The following B3GALNT1 variants were observed in gnomAD, a reference collection of about 807,000 sequenced individuals.
B3GALNT1 encodes beta-1,3-N-acetylgalactosaminyltransferase 1 (Globoside blood group).
In B3GALNT1, 17 loss-of-function variants were observed where a neutral mutation model predicts 27.3. That is an observed-to-expected ratio of 0.62 (90% CI 0.43 to 0.94). The LOEUF (loss-of-function observed/expected upper bound fraction) is 0.94. Among genes scored for constraint, B3GALNT1 ranks in the 40% least tolerant of loss-of-function variants. B3GALNT1 has a pLI of 0.00. For missense variants in B3GALNT1, 347 were observed against 390.0 expected (o/e 0.89, Z 0.93); for synonymous variants, 141 against 144.0 (o/e 0.98, Z 0.15).
At chr3:161,098,062 C>T (rs1402588260) in intron 4 of B3GALNT1, among the ~76,000 whole-genome samples, 2 of 152,204 alleles carry the variant, frequency 1.3e-5, no homozygotes, top group Admixed American at 6.5e-5. Flanking sequence ...TCATACTCCC[C>T]TCTCTCCAAA....
chr3:161,104,090 G>T (rs1008347074), intron 2 of B3GALNT1: 2 of 300,380 alleles, frequency 6.7e-6, no homozygotes, highest in Admixed American at 4.7e-5. Context: ...CCATTCATTT[G>T]AACGAACATT....
chr3:161,084,461 C>G lies in B3GALNT1; in HGVS notation c.*1298G>C, dbSNP rs1720777974. ...TCCTGACAAAGGATATGACCTTTTT[C>G]CATCCTGTAATTCAGAGAAAAAGAA... On this transcript the variant is annotated 3_prime_UTR_variant, in exon 5 of 5. Transcript: ENST00000320474. The G allele has an allele frequency of 6.6e-6, 1 of 152,074 alleles. No individual in the cohort carries two copies. Among genetic ancestry groups the G allele is most frequent in the Non-Finnish European group, 1.5e-5 (1 of 67,994 alleles). The allele number at this position is 152,074 out of a possible 1,614,324, so 9.4% of individuals were successfully genotyped here. A position where few individuals can be genotyped will look rare whatever the true frequency, so the allele number is the denominator to read the frequency against.
intron 3 of B3GALNT1, among the ~76,000 whole-genome samples, chr3:161,101,483 T>G (rs1212760759): frequency 6.6e-6 from 1 of 152,200 alleles, no homozygotes; most frequent in Non-Finnish European, 1.5e-5. Context: ...ATTCCTTCAT[T>G]CAGTGTTCTG....
chr3:161,097,358 T>A (rs1368468389), intron 4 of B3GALNT1, among the ~76,000 whole-genome samples: 1 of 152,218 alleles, frequency 6.6e-6, no homozygotes, highest in African/African-American at 2.4e-5. Context: ...CCTCTACATA[T>A]ATTATTTGTC....
At chr3:161,102,581 A>T (rs1179799144) in intron 3 of B3GALNT1, among the ~76,000 whole-genome samples, 1 of 152,230 alleles carries the variant, frequency 6.6e-6, no homozygotes, top group Non-Finnish European at 1.5e-5. Context: ...TTAGTATAAA[A>T]GCATTGTCCA....
intron 4 of B3GALNT1, among the ~76,000 whole-genome samples, chr3:161,089,431 C>CA (rs1723767161): frequency 6.6e-6 from 1 of 152,018 alleles, no homozygotes; most frequent in African/African-American, 2.4e-5. Flanking sequence ...ATGATGGCTA[C>CA]AAAAAGATGT....
In B3GALNT1 at chr3:161,101,213, G is replaced by A. The variant is rs34798602; in HGVS notation, c.-109C>T. ...AGCGGGAAGAGCCAACAGGTCAACCGGGTCCAGGGAGCTAAGAAAACTGGA... is the reference window on the plus strand; with the variant it reads ...AGCGGGAAGAGCCAACAGGTCAACCAGGTCCAGGGAGCTAAGAAAACTGGA... On this transcript the variant is annotated 5_prime_UTR_variant, in exon 4 of 5. Transcript: ENST00000320474. 618 of 1,289,898 alleles carry A rather than the reference G, an allele frequency of 4.8e-4. No homozygotes were observed. The African/African-American group carries it at 8.3e-3, about 17-fold the overall frequency. 79.9% of individuals were successfully genotyped at this position (1,289,898 alleles called of 1,614,324 possible).
intron 3 of B3GALNT1, among the ~76,000 whole-genome samples, chr3:161,101,595 G>A (rs1307776948): frequency 6.6e-6 from 1 of 152,048 alleles, no homozygotes; most frequent in Non-Finnish European, 1.5e-5. Flanking sequence ...GACTCACAAC[G>A]ACACATTTCA....
chr3:161,085,982 C>A lies in B3GALNT1; in HGVS notation c.773G>T (p.Gly258Val). Residue 258 changes from glycine to valine, a missense_variant, in exon 5 of 5, where the codon GGT (glycine) becomes GTT (valine). Gly to Val is a moderately radical substitution (Grantham distance 109). Transcript: ENST00000320474. ...TTCAAACTTGATGGGTTTTACGTGA[C>A]CCATCATTTCATAGATCCTTGGCAC... ...DLVPRIYEMM[G>V]HVKPIKFEDV... 1 of 1,588,636 alleles carries A rather than the reference C, an allele frequency of 6.3e-7. No homozygotes were observed. The highest frequency in any genetic ancestry group is 8.6e-7 in the Non-Finnish European group (1 of 1,168,638).
chr3:161,097,831 T>C (rs928764442), intron 4 of B3GALNT1, among the ~76,000 whole-genome samples: 2 of 152,350 alleles, frequency 1.3e-5, no homozygotes, highest in South Asian at 2.1e-4. Context: ...TCAGGCTACT[T>C]TGAGGATTGT....
intron 4 of B3GALNT1, among the ~76,000 whole-genome samples, chr3:161,090,587 T>C (rs1329352671): frequency 1.3e-5 from 2 of 151,886 alleles, no homozygotes; most frequent in African/African-American, 4.8e-5. Context: ...ACTTAAAAAA[T>C]TTAAAAACCA....
intron 4 of B3GALNT1, among the ~76,000 whole-genome samples, chr3:161,093,581 A>G (rs1048933862): frequency 1.3e-5 from 2 of 152,256 alleles, no homozygotes; most frequent in Non-Finnish European, 2.9e-5. Flanking sequence ...ATATTGACGA[A>G]TAGAAAACAA....
Position 161,086,232 on chromosome 3 carries a change from A to G in B3GALNT1, c.523T>C (p.Tyr175His). 1 of 1,614,160 alleles carries G rather than the reference A, an allele frequency of 6.2e-7. No individual in the cohort carries two copies. The highest frequency in any genetic ancestry group is 8.5e-7 in the Non-Finnish European group (1 of 1,180,012). ...WVTEFCPNAK[Y>H]VMKTDTDVFI... ...ACATCAGTGTCTGTCTTCATTACGT[A>G]CTTGGCATTGGGGCAAAACTCAGTT... Residue 175 changes from tyrosine to histidine, a missense_variant, in exon 5 of 5, where the codon TAC (tyrosine) becomes CAC (histidine). Transcript: ENST00000320474.
At chr3:161,092,820 G>A (rs1177089287) in intron 4 of B3GALNT1, among the ~76,000 whole-genome samples, 1 of 141,996 alleles carries the variant, frequency 7.0e-6, no homozygotes, top group African/African-American at 2.7e-5. Flanking sequence ...AGGCTGGAGT[G>A]CAGTGGTGCA....
At chr3:161,093,862 G>A (rs1280677293) in intron 4 of B3GALNT1, among the ~76,000 whole-genome samples, 1 of 152,014 alleles carries the variant, frequency 6.6e-6, no homozygotes, top group African/African-American at 2.4e-5. Flanking sequence ...ATAAACTTGT[G>A]CTTATATTAA....
chr3:161,092,218 C>T (rs1725487604), intron 4 of B3GALNT1, among the ~76,000 whole-genome samples: 1 of 152,026 alleles, frequency 6.6e-6, no homozygotes, highest in Admixed American at 6.6e-5. Flanking sequence ...AATATATGTC[C>T]ATAAGATAAT....
At chr3:161,093,945 T>A (rs879425022) in intron 4 of B3GALNT1, among the ~76,000 whole-genome samples, 6 of 152,204 alleles carry the variant, frequency 3.9e-5, no homozygotes, top group African/African-American at 7.2e-5. Context: ...ACCAACTTAG[T>A]GCAATGCTGG....
rs1720952516 is a variant in B3GALNT1, at chr3:161,084,923, G to C, written c.*836C>G. 1 of 152,094 alleles carries C rather than the reference G, an allele frequency of 6.6e-6. No homozygotes were observed. Among genetic ancestry groups the C allele is most frequent in the African/African-American group, 2.4e-5 (1 of 41,412 alleles). The allele number at this position is 152,094 out of a possible 1,614,324, so 9.4% of individuals were successfully genotyped here. On this transcript the variant is annotated 3_prime_UTR_variant, in exon 5 of 5. Transcript: ENST00000320474. ...TCCTAATTTCCAGGTGGAAAAATGA[G>C]ACAAATTAAGTGACTTCTAAAAACA...
At chr3:161,095,664 G>A (rs1259005311) in intron 4 of B3GALNT1, among the ~76,000 whole-genome samples, 1 of 152,176 alleles carries the variant, frequency 6.6e-6, no homozygotes, top group Non-Finnish European at 1.5e-5. Flanking sequence ...TATGCCCAGA[G>A]GGAAAAAATT....
Sources: allele counts gnomAD v4.1 joint callset (sites outside exome capture counted in the v4.1 genomes callset), GRCh38; gene constraint gnomAD v4.1.1; transcripts MANE v1.5; gene names NCBI Gene and HGNC (gene_info 2026-07-23, HGNC 2026-07-21).